LTBR: variants seen among roughly 807,000 people sequenced by gnomAD.
The protein encoded by LTBR is lymphotoxin beta receptor.
In LTBR, 15 loss-of-function variants were observed where a neutral mutation model predicts 45.4. The ratio of observed to expected loss-of-function variants is 0.33; its 90% CI spans 0.22 to 0.51. The LOEUF (loss-of-function observed/expected upper bound fraction) is 0.51. LTBR is among the 20% of genes least tolerant of loss of function. The pLI is 0.97. For synonymous variants in LTBR, 228 were observed against 231.0 expected (o/e 0.99, Z 0.12); for missense variants, 450 against 565.5 (o/e 0.80, Z 2.07).
At chr12:6,390,594 A>C in intron 9 of LTBR, 66 bp from the exon 10 acceptor site, 1 of 1,464,498 alleles carries the variant, frequency 6.8e-7, no homozygotes, top group Non-Finnish European at 9.1e-7. Flanking sequence ...GAAGGCAAGA[A>C]TTCAAGAAGC....
chr12:6,386,950 C>A lies in LTBR; in HGVS notation c.667+506C>A, dbSNP rs1321133611. 1 of 153,092 alleles carries A rather than the reference C, an allele frequency of 6.5e-6. No homozygotes were observed. Among genetic ancestry groups the A allele is most frequent in the Non-Finnish European group, 1.5e-5 (1 of 68,652 alleles). 9.5% of individuals were successfully genotyped at this position (153,092 alleles called of 1,614,324 possible). ...CAGAAGGTTCACTGTGTGTGTTGGG[C>A]ACTCTGTAACCACTTTACATTTACT... is the stretch of plus-strand genomic sequence containing the variant. On this transcript the variant is annotated intron_variant, in intron 6 of 9. Transcript: ENST00000228918. This position sits in a 1 kb window ranked among gnomAD's most constrained non-coding sequence, Gnocchi z 4.1.
In LTBR at chr12:6,377,474, G is replaced by A. The variant is rs1453741194; in HGVS notation, c.39+1880G>A. 2.3e-5 allele frequency: 15 copies of A among 654,180 alleles called. No individual in the cohort carries two copies. In the East Asian group the frequency reaches 2.8e-4, roughly 12 times the overall value. The allele number at this position is 654,180 out of a possible 1,614,324, so 40.5% of individuals were successfully genotyped here. On this transcript the variant is annotated intron_variant, in intron 1 of 9. Transcript: ENST00000539925. ...TCCTGAGACAGACTCATGGGGGATCGGGGCTCAGGTGCACCTGGATGTGAA... is the reference window on the plus strand; with the variant it reads ...TCCTGAGACAGACTCATGGGGGATCAGGGCTCAGGTGCACCTGGATGTGAA...
intron 1 of LTBR, among the ~76,000 whole-genome samples, chr12:6,378,626 G>T (rs1565490953): frequency 6.6e-6 from 1 of 152,158 alleles, no homozygotes; most frequent in African/African-American, 2.4e-5. Flanking sequence ...TGCATGAGGG[G>T]ACTGAGGCCC....
intron 1 of LTBR, among the ~76,000 whole-genome samples, chr12:6,376,478 A>G (rs1407973777): frequency 6.6e-6 from 1 of 152,224 alleles, no homozygotes; most frequent in Non-Finnish European, 1.5e-5. Context: ...AGAGGCAGGG[A>G]AAGCAGGCAC....
Position 6,391,197 on chromosome 12 carries a change from C to T in LTBR, c.*260C>T, listed in dbSNP as rs961251869. On this transcript the variant is annotated 3_prime_UTR_variant, in exon 10 of 10. Coordinates refer to ENST00000228918, the MANE Select transcript of LTBR (RefSeq NM_002342.3). ...CCCTGGGGCTGCTCAGCCTCAGGCACGGACAGGGCACATGATACCAACTGC... is the reference window on the plus strand; with the variant it reads ...CCCTGGGGCTGCTCAGCCTCAGGCATGGACAGGGCACATGATACCAACTGC... 2.9e-5 allele frequency: 11 copies of T among 375,992 alleles called. No homozygotes were observed. Among genetic ancestry groups the T allele is most frequent in the African/African-American group, 1.7e-4 (8 of 48,270 alleles). The allele number at this position is 375,992 out of a possible 1,614,324, so 23.3% of individuals were successfully genotyped here.
intron 1 of LTBR, chr12:6,377,419 G>A (rs1948929947): frequency 1.1e-5 from 8 of 717,910 alleles, no homozygotes; most frequent in South Asian, 1.8e-5. Flanking sequence ...CTCCTCTGGG[G>A]CTATCTACTT....
chr12:6,383,808 C>T (rs1949006878), upstream of LTBR, among the ~76,000 whole-genome samples: 1 of 152,252 alleles, frequency 6.6e-6, no homozygotes, highest in Non-Finnish European at 1.5e-5. Flanking sequence ...GCGCCCTGCC[C>T]TCTCCATGAC....
intron 1 of LTBR, chr12:6,375,701 G>T (rs1565489557): frequency 7.0e-7 from 1 of 1,437,702 alleles, no homozygotes; most frequent in Non-Finnish European, 9.1e-7. Context: ...ACCTGAGAAG[G>T]CGGACTCTGG....
upstream of LTBR, among the ~76,000 whole-genome samples, chr12:6,380,540 C>A (rs138065160): frequency 3.6e-3 from 552 of 152,118 alleles, 3 homozygotes; most frequent in African/African-American, 0.012. Flanking sequence ...AAAAATTAGC[C>A]GGGCCTGTTG....
Position 6,386,414 on chromosome 12 carries a change from C to G in LTBR, c.637C>G (p.Pro213Ala). 1 of 1,613,680 alleles carries G rather than the reference C, an allele frequency of 6.2e-7. No homozygotes were observed. The highest frequency in any genetic ancestry group is 8.5e-7 in the Non-Finnish European group (1 of 1,179,922). Reference protein sequence around the residue: ...TAQSDTTCKNPLEPLPPEMSG... With the variant: ...TAQSDTTCKNALEPLPPEMSG... ...CCAGTCCGACACAACCTGCAAAAAT[C>G]CATTAGAGCCACTGCCCCCAGAGAT... Residue 213 changes from proline to alanine, a missense_variant, in exon 6 of 10, where the codon CCA becomes GCA. By Grantham distance (27) the Pro-to-Ala change is conservative. This residue lies in a region of LTBR where 367 missense variants were observed against 435.4 expected (regional missense o/e 0.84). Transcript: ENST00000228918. The surrounding 1 kb of genome is among the most constrained non-coding windows in gnomAD (Gnocchi z 4.1).
chr12:6,384,705 G>T, intron 2 of LTBR, 21 bp downstream of exon 2: 2 of 1,609,258 alleles, frequency 1.2e-6, no homozygotes, highest in Middle Eastern at 3.3e-4. Flanking sequence ...ATGGCAGGAC[G>T]AACCTGGGCC....
At chr12:6,379,098 A>T (rs1056160467) in intron 1 of LTBR, among the ~76,000 whole-genome samples, 1 of 152,002 alleles carries the variant, frequency 6.6e-6, no homozygotes, top group Non-Finnish European at 1.5e-5. Flanking sequence ...ACTATTATTT[A>T]TTATTATTAT....
At chr12:6,377,238 G>C in intron 1 of LTBR, 2 of 1,545,988 alleles carry the variant, frequency 1.3e-6, no homozygotes, top group Non-Finnish European at 1.7e-6. Context: ...TCCAAACCAG[G>C]TTCCCTTGCT....
intron 2 of LTBR, 71 bp downstream of exon 2, chr12:6,384,755 T>G: frequency 7.0e-7 from 1 of 1,436,298 alleles, no homozygotes. Flanking sequence ...CCTCGCGGCC[T>G]CAGAGGGAAG....
At position 6,391,110 on chromosome 12, in the gene LTBR, C is replaced by G; in HGVS notation, c.*173C>G. Reference sequence around the variant, plus strand: ...GGTGGGCACTGGCTGGGTACGGTGCCCTCCACAGGACTCTCCCTACTGCCT... The same window carrying G: ...GGTGGGCACTGGCTGGGTACGGTGCGCTCCACAGGACTCTCCCTACTGCCT... On this transcript the variant is annotated 3_prime_UTR_variant, in exon 10 of 10. Coordinates refer to ENST00000228918, the MANE Select transcript of LTBR (RefSeq NM_002342.3). The G allele has an allele frequency of 1.6e-6, 1 of 614,824 alleles. No homozygotes were observed. The highest frequency in any genetic ancestry group is 2.5e-6 in the Non-Finnish European group (1 of 393,954). The allele number at this position is 614,824 out of a possible 1,614,324, so 38.1% of individuals were successfully genotyped here.
At chr12:6,384,491 G>C in intron 1 of LTBR, 37 bp downstream of exon 1, 1 of 1,584,288 alleles carries the variant, frequency 6.3e-7, no homozygotes. Context: ...GCGAGGGTGG[G>C]CAAGAGGGAT....
intron 1 of LTBR, chr12:6,376,197 A>C: frequency 1.0e-6 from 1 of 985,148 alleles, no homozygotes; most frequent in Non-Finnish European, 1.2e-6. Flanking sequence ...CAGCGCACTC[A>C]GGTGGGATGC....
exon 1 of LTBR, chr12:6,375,434 C>T (rs930827931): frequency 2.3e-5 from 36 of 1,533,274 alleles, no homozygotes; most frequent in Non-Finnish European, 3.0e-5. Context: ...TTCCCACTCC[C>T]AGGTTGCGGC....
At chr12:6,375,442 G>T (rs778968059) in exon 1 of LTBR, 5 of 1,534,492 alleles carry the variant, frequency 3.3e-6, no homozygotes, top group African/African-American at 1.4e-5. Flanking sequence ...CCCAGGTTGC[G>T]GCTGGACTGG....
Sources: allele counts gnomAD v4.1 joint callset (sites outside exome capture counted in the v4.1 genomes callset), GRCh38; gene constraint gnomAD v4.1.1; regional missense constraint gnomAD v4.1.1; non-coding constraint Gnocchi (gnomAD v3.1); transcripts MANE v1.5; gene names NCBI Gene and HGNC (gene_info 2026-07-23, HGNC 2026-07-21).